Variants in MYO16 observed in about 807,000 individuals in gnomAD.
The protein encoded by MYO16 is unconventional myosin-XVI.
A neutral mutation model predicts 205.3 loss-of-function variants in MYO16; 94 were observed. The observed-to-expected ratio is 0.46, with a 90% CI of 0.39 to 0.54. The LOEUF is 0.54. Among genes scored for constraint, MYO16 ranks in the 20% least tolerant of loss-of-function variants. The pLI, the probability that MYO16 is intolerant of heterozygous loss-of-function variation, is 0.00. For missense variants in MYO16, 2,315 were observed against 2,387.5 expected, an observed-to-expected ratio of 0.97 and a Z score of 0.63; for synonymous variants, 988 against 954.0, an observed-to-expected ratio of 1.04 and a Z score of -0.66.
chr13:108,636,511 C>G (rs1394173209), intron 1 of MYO16, among the ~76,000 whole-genome samples: 2 of 151,628 alleles, frequency 1.3e-5, no homozygotes, highest in African/African-American at 4.8e-5. Flanking sequence ...TCCCAAGTAG[C>G]TGGGACTACA....
intron 2 of MYO16, among the ~76,000 whole-genome samples, chr13:108,671,053 A>C (rs1312045143): frequency 6.6e-6 from 1 of 152,240 alleles, no homozygotes; most frequent in Non-Finnish European, 1.5e-5. Flanking sequence ...TTTTCAATTC[A>C]AAAGAAGCAG....
chr13:108,972,249 C>CTATATATATATATATA (rs1158879237), intron 20 of MYO16, among the ~76,000 whole-genome samples: 41 of 2,850 alleles, frequency 0.014, 6 homozygotes, highest in Non-Finnish European at 0.021. Context: ...CTCTCTCTCT[C>CTATATATATATATATA]TATATATATA....
intron 23 of MYO16, among the ~76,000 whole-genome samples, chr13:109,045,596 G>A (rs988118474): frequency 1.3e-5 from 2 of 152,202 alleles, no homozygotes; most frequent in African/African-American, 2.4e-5. Flanking sequence ...ACCTGGGAAT[G>A]TGTGGGATGC....
intron 4 of MYO16, chr13:108,780,187 T>A (rs185022060): frequency 1.4e-4 from 22 of 152,292 alleles, no homozygotes; most frequent in Admixed American, 6.5e-4. Context: ...GAGAAACAAC[T>A]CCCTGGGCTT....
At chr13:108,587,935 A>G in the MYO16 span, among the ~76,000 whole-genome samples, 2 of 152,216 alleles carry the variant, frequency 1.3e-5, no homozygotes, top group African/African-American at 4.8e-5. Flanking sequence ...TGAAGCACTT[A>G]GATCCTTTTC....
chr13:108,898,383 TG>T (rs1880545200), intron 15 of MYO16, among the ~76,000 whole-genome samples: 1 of 151,766 alleles, frequency 6.6e-6, no homozygotes, highest in African/African-American at 2.4e-5. Context: ...TGTGTGTGTG[TG>T]TGTGTATACA....
At chr13:108,986,028 C>A (rs1057442426) in intron 20 of MYO16, among the ~76,000 whole-genome samples, 52 of 152,250 alleles carry the variant, frequency 3.4e-4, no homozygotes, top group African/African-American at 1.2e-3. Flanking sequence ...GAAGGAGGAG[C>A]AGAGGCACAT....
chr13:109,003,781 A>G (rs1336395539), intron 21 of MYO16, among the ~76,000 whole-genome samples: 1 of 152,214 alleles, frequency 6.6e-6, no homozygotes, highest in Non-Finnish European at 1.5e-5. Context: ...CAGTCAAAAC[A>G]AGACAGAGGT....
At chr13:108,791,314 A>G (rs1886609463) in intron 5 of MYO16, among the ~76,000 whole-genome samples, 1 of 152,178 alleles carries the variant, frequency 6.6e-6, no homozygotes, top group Non-Finnish European at 1.5e-5. Flanking sequence ...ATTTTGCTTT[A>G]TTTTGTTTGG....
intron 1 of MYO16, among the ~76,000 whole-genome samples, chr13:108,615,217 T>A (rs1377000294): frequency 6.6e-6 from 1 of 152,048 alleles, no homozygotes; most frequent in Non-Finnish European, 1.5e-5. Flanking sequence ...AAATCATTAG[T>A]AATTAAGAAA....
intron 1 of MYO16, among the ~76,000 whole-genome samples, chr13:108,643,152 G>C (rs1880586555): frequency 6.6e-6 from 1 of 152,144 alleles, no homozygotes; most frequent in Admixed American, 6.5e-5. Context: ...GTCCTTTATA[G>C]TCAATCTCCT....
intron 11 of MYO16, among the ~76,000 whole-genome samples, chr13:108,865,647 G>T (rs539269858): frequency 6.6e-6 from 1 of 151,704 alleles, no homozygotes; most frequent in Admixed American, 6.6e-5. Flanking sequence ...TGTTGTTGCT[G>T]GTGTTTGGGT....
chr13:108,937,260 C>T (rs1037908455), intron 16 of MYO16, among the ~76,000 whole-genome samples: 9 of 139,450 alleles, frequency 6.5e-5, no homozygotes, highest in Non-Finnish European at 7.6e-5. Flanking sequence ...ATCTGCTTTT[C>T]TCTCTCTCTC....
At chr13:108,564,685 G>T in the MYO16 span, among the ~76,000 whole-genome samples, 6 of 152,198 alleles carry the variant, frequency 3.9e-5, no homozygotes, top group Admixed American at 3.9e-4. Flanking sequence ...TTTTGCTTTG[G>T]TTGCTTACGC....
At chr13:109,204,358 T>G (rs1880517434) in intron 34 of MYO16, among the ~76,000 whole-genome samples, 1 of 152,198 alleles carries the variant, frequency 6.6e-6, no homozygotes, top group Non-Finnish European at 1.5e-5. Context: ...CAGAGATCAC[T>G]ACTGTATGCT....
intron 2 of MYO16, among the ~76,000 whole-genome samples, chr13:108,675,673 T>C (rs560805093): frequency 6.6e-6 from 1 of 152,342 alleles, no homozygotes; most frequent in Non-Finnish European, 1.5e-5. Flanking sequence ...AACCGTGCTC[T>C]CTTCAACATT....
intron 16 of MYO16, 53 bp from the exon 17 acceptor site, chr13:108,957,635 A>G: frequency 3.9e-6 from 5 of 1,282,386 alleles, no homozygotes; most frequent in East Asian, 2.4e-5. Flanking sequence ...TTTTAACCAC[A>G]GAAGTCTGAC....
intron 2 of MYO16, among the ~76,000 whole-genome samples, chr13:108,707,853 C>A (rs547864233): frequency 7.9e-5 from 12 of 152,178 alleles, no homozygotes; most frequent in African/African-American, 2.7e-4. Flanking sequence ...AATTTTAGAT[C>A]CCACAACAAA....
intron 16 of MYO16, among the ~76,000 whole-genome samples, chr13:108,949,354 A>G (rs765678971): frequency 3.0e-4 from 45 of 152,234 alleles, no homozygotes; most frequent in Admixed American, 6.5e-5. Flanking sequence ...AGGATATGAG[A>G]TCAGTGCGCA....
Sources: allele counts gnomAD v4.1 joint callset (sites outside exome capture counted in the v4.1 genomes callset), GRCh38; gene constraint gnomAD v4.1.1; transcripts MANE v1.5; gene names NCBI Gene and HGNC (gene_info 2026-07-23, HGNC 2026-07-21).